The following TRPC3 variants were observed in gnomAD, a reference collection of about 807,000 sequenced individuals.
TRPC3 encodes the protein short transient receptor potential channel 3.
Under a neutral mutation model 90.9 loss-of-function variants are expected in TRPC3, and 54 were observed. That is an observed-to-expected ratio of 0.59 (90% CI 0.48 to 0.75). TRPC3 has a LOEUF of 0.75. Ranked by LOEUF, TRPC3 falls within the 30% of genes least tolerant of loss-of-function variation. The pLI, the probability that TRPC3 is intolerant of heterozygous loss-of-function variation, is 0.00. For missense variants in TRPC3, 918 were observed against 1,194.5 expected, an observed-to-expected ratio of 0.77 and a Z score of 3.41; for synonymous variants, 424 against 450.9, an observed-to-expected ratio of 0.94 and a Z score of 0.75.
In TRPC3 at chr4:121,907,584, AAG is replaced by A. The variant is rs1728931548; in HGVS notation, c.1793-19_1793-18del. The A allele has an allele frequency of 6.3e-7, 1 of 1,585,718 alleles. No individual in the cohort carries two copies. On this transcript the variant is annotated intron_variant, in intron 6 of 11. Coordinates refer to ENST00000379645, the MANE Select transcript of TRPC3 (RefSeq NM_001130698.2). ...TATCTCTAGCTAGAAAAAAGAGAGA[AAG>A]AGATTAAAAATGGAGCTTTCTATTC... is the stretch of plus-strand genomic sequence containing the variant.
At chr4:121,908,610 A>G (rs898262947) in intron 6 of TRPC3, among the ~76,000 whole-genome samples, 1 of 152,186 alleles carries the variant, frequency 6.6e-6, no homozygotes, top group Non-Finnish European at 1.5e-5. Flanking sequence ...CATTATCCTA[A>G]GTGAATTAAT....
intron 8 of TRPC3, 45 bp from the exon 9 acceptor site, chr4:121,903,106 T>C (rs758310175): frequency 1.3e-6 from 2 of 1,524,774 alleles, no homozygotes; most frequent in East Asian, 4.6e-5. Flanking sequence ...AAATGCTAAA[T>C]ATTCTAGTGA....
rs1160292345 is a variant in TRPC3, at chr4:121,951,630, C to A, written c.51G>T (p.Pro17=). The A allele has an allele frequency of 1.1e-5, 16 of 1,428,000 alleles. No homozygotes were observed. Among genetic ancestry groups the A allele is most frequent in the Non-Finnish European group, 1.4e-5 (15 of 1,082,806 alleles). The allele number at this position is 1,428,000 out of a possible 1,614,324, so 88.5% of individuals were successfully genotyped here. The change falls in exon 1 of 12, where the codon CCG becomes CCT. Residue 17 remains proline, a synonymous_variant. Transcript: ENST00000379645. This position sits in a 1 kb window ranked among gnomAD's most constrained non-coding sequence, Gnocchi z 4.4. ...CCTCGTCTTCCTCCTCCTCCGGCGCCGGGAAGGTCACCCTTGCTTGTTCTT... is the reference window on the plus strand; with the variant it reads ...CCTCGTCTTCCTCCTCCTCCGGCGCAGGGAAGGTCACCCTTGCTTGTTCTT... The part of the protein sequence containing the change: ...KCKEQARVTF[P]APEEEEDEGE...
intron 1 of TRPC3, 114 bp from the exon 2 acceptor site, chr4:121,933,156 G>A: frequency 7.1e-7 from 1 of 1,409,740 alleles, no homozygotes; most frequent in Non-Finnish European, 9.3e-7. Flanking sequence ...CTGGCTGCAG[G>A]GGTCGGCTCA....
intron 5 of TRPC3, 44 bp from the exon 6 acceptor site, chr4:121,910,431 C>A: frequency 6.6e-7 from 1 of 1,511,646 alleles, no homozygotes; most frequent in Non-Finnish European, 9.1e-7. Flanking sequence ...TTTTACAGGC[C>A]AGACTGAGAA....
In TRPC3 at chr4:121,877,847, A is replaced by G. The variant is rs1346187150; in HGVS notation, c.*1889T>C. 6.6e-6 allele frequency among the ~76,000 whole-genome samples: 1 copy of G among 150,614 alleles called. No homozygotes were observed. ...TGGATACCATGAGGCTTATCTTCAT[A>G]CTTCTCTGATCTTCAGATTCCAAGA... On this transcript the variant is annotated 3_prime_UTR_variant, in exon 12 of 12. Transcript: ENST00000379645.
chr4:121,888,743 A>G (rs1728221199), intron 10 of TRPC3, among the ~76,000 whole-genome samples: 1 of 152,170 alleles, frequency 6.6e-6, no homozygotes, highest in Admixed American at 6.5e-5. Context: ...TATTATAATC[A>G]GGCTGCATGA....
Position 121,877,711 on chromosome 4 carries a change from C to G in TRPC3, c.*2025G>C, listed in dbSNP as rs1023464069. ...AAAAAGATGAAATATTAAAACTATACCAGTTTGTACATAGTAAATAAAGAA... is the reference window on the plus strand; with the variant it reads ...AAAAAGATGAAATATTAAAACTATAGCAGTTTGTACATAGTAAATAAAGAA... On this transcript the variant is annotated 3_prime_UTR_variant, in exon 12 of 12. Coordinates refer to ENST00000379645, the MANE Select transcript of TRPC3 (RefSeq NM_001130698.2). Among the ~76,000 whole-genome samples, 1 of 150,186 alleles carries G rather than the reference C, an allele frequency of 6.7e-6. No individual in the cohort carries two copies. The highest frequency in any genetic ancestry group is 6.7e-5 in the Admixed American group (1 of 14,982).
At chr4:121,936,973 T>C (rs1730151757) in intron 1 of TRPC3, among the ~76,000 whole-genome samples, 2 of 152,184 alleles carry the variant, frequency 1.3e-5, no homozygotes, top group African/African-American at 4.8e-5. Context: ...GTCCAAACAC[T>C]TAAGCAGATG....
chr4:121,935,457 A>T (rs1408777401), intron 1 of TRPC3, among the ~76,000 whole-genome samples: 1 of 147,910 alleles, frequency 6.8e-6, no homozygotes, highest in East Asian at 1.9e-4. Flanking sequence ...TGTTGGTATA[A>T]TAATGACTTT....
At chr4:121,942,614 T>C (rs57710788) in intron 1 of TRPC3, among the ~76,000 whole-genome samples, 274 of 152,286 alleles carry the variant, frequency 1.8e-3, no homozygotes, top group African/African-American at 6.4e-3. Flanking sequence ...ATCTATTAGA[T>C]ATATGCTAAT....
At chr4:121,915,384 G>A (rs967866667) in intron 3 of TRPC3, among the ~76,000 whole-genome samples, 7 of 152,132 alleles carry the variant, frequency 4.6e-5, no homozygotes, top group Admixed American at 2.0e-4. Context: ...GTGAAGTTTC[G>A]CGAGCAACCC....
At chr4:121,930,709 G>A (rs1251465669) in intron 2 of TRPC3, 5 of 306,654 alleles carry the variant, frequency 1.6e-5, no homozygotes, top group Admixed American at 5.2e-5. Context: ...AAATAAATAT[G>A]TTTAGAATTA....
intron 1 of TRPC3, among the ~76,000 whole-genome samples, chr4:121,946,184 T>C (rs562631856): frequency 1.3e-5 from 2 of 152,256 alleles, no homozygotes; most frequent in Admixed American, 1.3e-4. Flanking sequence ...AAGGACATAA[T>C]GTCCAGATGG....
chr4:121,915,265 T>TA (rs1729269430), intron 3 of TRPC3, among the ~76,000 whole-genome samples: 1 of 152,192 alleles, frequency 6.6e-6, no homozygotes, highest in African/African-American at 2.4e-5. Flanking sequence ...GCTTCTTTTG[T>TA]AAAAATGTGT....
intron 10 of TRPC3, among the ~76,000 whole-genome samples, chr4:121,882,635 T>A (rs1727982378): frequency 6.6e-6 from 1 of 150,796 alleles, no homozygotes; most frequent in Admixed American, 6.6e-5. Context: ...CCACCAATAC[T>A]TTTTTTTTGC....
chr4:121,881,078 G>A (rs745416745), intron 11 of TRPC3, among the ~76,000 whole-genome samples: 6 of 151,948 alleles, frequency 3.9e-5, no homozygotes, highest in Non-Finnish European at 7.4e-5. Context: ...ATTCAGTACC[G>A]CAGGAGACCC....
rs190629626 is a variant in TRPC3 at position 121,878,172 on chromosome 4, A to G, written c.*1564T>C. ...AATGTTTAAGACGAATACTCTTAGC[A>G]TGGCACAAAAGTTAATGAAGTGTTC... is the stretch of plus-strand genomic sequence containing the variant. On this transcript the variant is annotated 3_prime_UTR_variant, in exon 12 of 12. Transcript: ENST00000379645. Among the ~76,000 whole-genome samples, 440 of 152,358 alleles carry G rather than the reference A, an allele frequency of 2.9e-3. 4 individuals are homozygous for G. The highest frequency in any genetic ancestry group is 9.2e-3 in the African/African-American group (383 of 41,582).
chr4:121,919,032 CA>C (rs1234339250), intron 3 of TRPC3, among the ~76,000 whole-genome samples: 1 of 152,124 alleles, frequency 6.6e-6, no homozygotes, highest in Non-Finnish European at 1.5e-5. Context: ...AAATTGAAGT[CA>C]TAACAAAAAT....
Sources: allele counts gnomAD v4.1 joint callset (sites outside exome capture counted in the v4.1 genomes callset), GRCh38; gene constraint gnomAD v4.1.1; non-coding constraint Gnocchi (gnomAD v3.1); transcripts MANE v1.5; gene names NCBI Gene and HGNC (gene_info 2026-07-23, HGNC 2026-07-21).